RBM17: variants seen among roughly 807,000 people sequenced by gnomAD.
RBM17 encodes RNA binding motif protein 17.
In RBM17, 7 loss-of-function variants were observed where a neutral mutation model predicts 53.2. The ratio of observed to expected loss-of-function variants is 0.13; its 90% confidence interval spans 0.07 to 0.25. RBM17 has a LOEUF of 0.25. Among genes scored for constraint, RBM17 ranks in the 10% least tolerant of loss-of-function variants. The pLI, the probability that RBM17 is intolerant of heterozygous loss-of-function variation, is 1.00. For synonymous variants in RBM17, 167 were observed against 178.1 expected (o/e 0.94, Z 0.50); for missense variants, 257 against 496.7 (o/e 0.52, Z 4.59).
At chr10:6,100,068 A>G (rs1840649035) in intron 2 of RBM17, among the ~76,000 whole-genome samples, 1 of 152,142 alleles carries the variant, frequency 6.6e-6, no homozygotes, top group Admixed American at 6.5e-5. Context: ...GAAAGAAAGA[A>G]AATATGTGAT....
At chr10:6,091,344 C>G (rs1024477773) in intron 1 of RBM17, among the ~76,000 whole-genome samples, 5 of 152,162 alleles carry the variant, frequency 3.3e-5, no homozygotes, top group Non-Finnish European at 5.9e-5. Context: ...CAGGCGTGAG[C>G]CACTGGGCCC....
intron 1 of RBM17, among the ~76,000 whole-genome samples, chr10:6,093,315 G>A (rs1840517350): frequency 6.6e-6 from 1 of 152,132 alleles, no homozygotes. Flanking sequence ...CCGGGTTCAA[G>A]CAATTCTCCT....
intron 2 of RBM17, 59 bp downstream of exon 2, chr10:6,097,247 TGA>T: frequency 1.3e-6 from 2 of 1,569,196 alleles, no homozygotes; most frequent in Non-Finnish European, 1.7e-6. Context: ...CTCATTAGGA[TGA>T]CAAGGAATTT....
At chr10:6,106,843 A>G (rs944579723) in intron 5 of RBM17, among the ~76,000 whole-genome samples, 2 of 152,162 alleles carry the variant, frequency 1.3e-5, no homozygotes, top group African/African-American at 2.4e-5. Context: ...TTGACCTTGT[A>G]GCTCATGATA....
In RBM17 at chr10:6,089,294, C is replaced by T. The variant is rs1402242659; in HGVS notation, c.-19+101C>T. 5.3e-5 allele frequency: 8 copies of T among 152,116 alleles called. No individual in the cohort carries two copies. The highest frequency in any genetic ancestry group is 1.2e-4 in the Non-Finnish European group (8 of 68,056). The allele number at this position is 152,116 out of a possible 1,614,324, so 9.4% of individuals were successfully genotyped here. On this transcript the variant is annotated intron_variant, in intron 1 of 11. Coordinates refer to ENST00000379888, the MANE Select transcript of RBM17 (RefSeq NM_032905.5). The surrounding 1 kb of genome is among the most constrained non-coding windows in gnomAD (Gnocchi z 5.6). ...AGACGCAAGCCCGCGGCTTTAGGCC[C>T]GTCGCGAGGGGCGGAGGCCGGGCCA...
chr10:6,093,919 A>C (rs946814109), intron 1 of RBM17, among the ~76,000 whole-genome samples: 13 of 150,646 alleles, frequency 8.6e-5, no homozygotes, highest in African/African-American at 3.2e-4. Context: ...ATGCAAAAAG[A>C]TTTCACTCTG....
rs539083584 is a variant in RBM17 at position 6,116,820 on chromosome 10, G to A, written c.*1264G>A. The A allele has an allele frequency of 3.3e-5, 5 of 152,350 alleles. No individual in the cohort carries two copies. In the South Asian group the frequency reaches 1.0e-3, roughly 32 times the overall value. The allele number at this position is 152,350 out of a possible 1,614,324, so 9.4% of individuals were successfully genotyped here. On this transcript the variant is annotated 3_prime_UTR_variant, in exon 12 of 12. Transcript: ENST00000379888. The stretch of plus-strand genomic sequence containing the variant: ...ATGTTTTTATTTAACATAAATAAAA[G>A]AATAACATTTTATCTTTTGTGGTAT...
intron 7 of RBM17, among the ~76,000 whole-genome samples, chr10:6,111,921 C>T (rs1840844481): frequency 6.6e-6 from 1 of 152,128 alleles, no homozygotes; most frequent in African/African-American, 2.4e-5. Context: ...CACAAAAGGT[C>T]TTGTGTTTCC....
At chr10:6,113,997 G>A in intron 9 of RBM17, 52 bp from the exon 10 acceptor site, 1 of 1,135,456 alleles carries the variant, frequency 8.8e-7, no homozygotes. Context: ...CCTCTGCTAG[G>A]TGTTTGTAAG....
Position 6,115,782 on chromosome 10 carries a change from C to G in RBM17, c.*226C>G. ...TCTGTGTGCCTCTCTGGTTGTTTCTCTTTTTTATTATTACTCCTGAGTTGA... is the reference window on the plus strand; with the variant it reads ...TCTGTGTGCCTCTCTGGTTGTTTCTGTTTTTTATTATTACTCCTGAGTTGA... On this transcript the variant is annotated 3_prime_UTR_variant, in exon 12 of 12. Coordinates refer to ENST00000379888, the MANE Select transcript of RBM17 (RefSeq NM_032905.5). The G allele has an allele frequency of 2.9e-6, 1 of 341,818 alleles. No homozygotes were observed. The highest frequency in any genetic ancestry group is 5.2e-6 in the Non-Finnish European group (1 of 193,062). The allele number at this position is 341,818 out of a possible 1,614,324, so 21.2% of individuals were successfully genotyped here.
At position 6,101,258 on chromosome 10, in the gene RBM17, T is replaced by G. The variant is rs1262080192; in HGVS notation, c.124-13T>G. The G allele has an allele frequency of 6.5e-7, 1 of 1,541,742 alleles. No homozygotes were observed. Among genetic ancestry groups the G allele is most frequent in the African/African-American group, 1.4e-5 (1 of 72,550 alleles). ...AAACTTCAGTATGTTTTCCTTGTTT[T>G]TGATGATTTTAGAGCCAAAGGACGA... On this transcript the variant is annotated splice_polypyrimidine_tract_variant and intron_variant, in intron 2 of 11. Transcript: ENST00000379888.
intron 5 of RBM17, among the ~76,000 whole-genome samples, chr10:6,107,600 G>A (rs1232651001): frequency 4.9e-5 from 7 of 142,514 alleles, no homozygotes; most frequent in Admixed American, 4.5e-4. Flanking sequence ...TTCTGCCTCA[G>A]CCTCCCAAGT....
chr10:6,116,795 A>G lies in RBM17; in HGVS notation c.*1239A>G, dbSNP rs187083253. ...ACCCTTTTTAAAAAAGGATTTTCTC[A>G]TGTTTTTATTTAACATAAATAAAAG... is the stretch of plus-strand genomic sequence containing the variant. On this transcript the variant is annotated 3_prime_UTR_variant, in exon 12 of 12. Transcript: ENST00000379888. The G allele has an allele frequency of 1.3e-5, 2 of 152,404 alleles. No homozygotes were observed. Among genetic ancestry groups the G allele is most frequent in the Admixed American group, 1.3e-4 (2 of 15,302 alleles). The allele number at this position is 152,404 out of a possible 1,614,324, so 9.4% of individuals were successfully genotyped here.
intron 2 of RBM17, among the ~76,000 whole-genome samples, chr10:6,098,564 T>TGTG (rs1491275678): frequency 1.3e-4 from 4 of 31,624 alleles, no homozygotes; most frequent in Admixed American, 3.1e-4. Flanking sequence ...AGGTTTTTTG[T>TGTG]TTTTTTTTTT....
At chr10:6,093,542 T>C (rs1035373945) in intron 1 of RBM17, among the ~76,000 whole-genome samples, 1 of 152,216 alleles carries the variant, frequency 6.6e-6, no homozygotes, top group Non-Finnish European at 1.5e-5. Flanking sequence ...TTAATAAAGC[T>C]TATTAAATGC....
chr10:6,093,659 ATAAACAC>A (rs1424660167), intron 1 of RBM17, among the ~76,000 whole-genome samples: 1 of 152,252 alleles, frequency 6.6e-6, no homozygotes, highest in Non-Finnish European at 1.5e-5. Flanking sequence ...TAACGTATTC[ATAAACAC>A]TTTCGGTAAA....
At chr10:6,091,857 G>C (rs189962312) in intron 1 of RBM17, among the ~76,000 whole-genome samples, 2 of 138,298 alleles carry the variant, frequency 1.4e-5, no homozygotes, top group Non-Finnish European at 3.1e-5. Context: ...CAGTTGGGGG[G>C]GGTTAGTTTT....
chr10:6,094,423 T>G (rs974307864), intron 1 of RBM17, among the ~76,000 whole-genome samples: 1 of 152,208 alleles, frequency 6.6e-6, no homozygotes, highest in Non-Finnish European at 1.5e-5. Flanking sequence ...AAATTTTGAT[T>G]TATCTTTGTG....
rs538051898 is a variant in RBM17, at chr10:6,113,711, C to T, written c.930+130C>T. On this transcript the variant is annotated intron_variant, in intron 9 of 11. Coordinates refer to ENST00000379888, the MANE Select transcript of RBM17 (RefSeq NM_032905.5). ...CAAATAATACTTTGGGCAGATCCCA[C>T]GTAAGGCTGATTTTAGATTTTTCAC... 734 of 677,856 alleles carry T rather than the reference C, an allele frequency of 1.1e-3. 2 individuals carry two copies. The highest frequency in any genetic ancestry group is 1.3e-3 in the South Asian group (76 of 56,652). 42.0% of individuals were successfully genotyped at this position (677,856 alleles called of 1,614,324 possible). A position where few individuals can be genotyped will look rare whatever the true frequency, so the allele number is the denominator to read the frequency against.
Sources: allele counts gnomAD v4.1 joint callset (sites outside exome capture counted in the v4.1 genomes callset), GRCh38; gene constraint gnomAD v4.1.1; non-coding constraint Gnocchi (gnomAD v3.1); transcripts MANE v1.5; gene names NCBI Gene and HGNC (gene_info 2026-07-23, HGNC 2026-07-21).